UNC5B: variants seen among roughly 807,000 people sequenced by gnomAD.
The protein encoded by UNC5B is unc-5 netrin receptor B.
A neutral mutation model predicts 103.7 loss-of-function variants in UNC5B; 56 were observed. The ratio of observed to expected loss-of-function variants is 0.54; its 90% CI spans 0.44 to 0.67. UNC5B has a LOEUF of 0.67. Ranked by LOEUF, UNC5B falls within the 30% of genes least tolerant of loss-of-function variation. The probability of loss-of-function intolerance (pLI) is 0.00; values close to 1 mark genes in which losing one functional copy is unlikely to be tolerated. For synonymous variants in UNC5B, 577 were observed against 542.0 expected (o/e 1.06, Z -0.90); for missense variants, 1,194 against 1,284.5 (o/e 0.93, Z 1.08).
At chr10:71,265,127 G>C (rs925121247) in intron 1 of UNC5B, among the ~76,000 whole-genome samples, 1 of 152,180 alleles carries the variant, frequency 6.6e-6, no homozygotes. Flanking sequence ...AAAGAGTTGC[G>C]GGGAGGGTTC....
chr10:71,282,099 C>T (rs1844945083), intron 2 of UNC5B, among the ~76,000 whole-genome samples: 1 of 152,242 alleles, frequency 6.6e-6, no homozygotes, highest in Admixed American at 6.5e-5. Context: ...CCACCAGGCA[C>T]ACAGGCCCTG....
chr10:71,247,298 T>A (rs1844059755), intron 1 of UNC5B, among the ~76,000 whole-genome samples: 1 of 152,172 alleles, frequency 6.6e-6, no homozygotes, highest in African/African-American at 2.4e-5. Flanking sequence ...AGAGTGAACA[T>A]CCAGAACATC....
chr10:71,259,812 G>A (rs1201759060), intron 1 of UNC5B, among the ~76,000 whole-genome samples: 1 of 152,188 alleles, frequency 6.6e-6, no homozygotes, highest in East Asian at 1.9e-4. Context: ...AGGTCAGTGG[G>A]CGTGGGTCCC....
chr10:71,215,806 GGTGTGTGT>G (rs55848098), intron 1 of UNC5B, among the ~76,000 whole-genome samples: 14,214 of 149,534 alleles, frequency 0.095, 772 homozygotes, highest in Middle Eastern at 0.15. Flanking sequence ...GTCTCTGCTT[GGTGTGTGT>G]GTGTGTGTGT....
chr10:71,238,985 T>A (rs1201471031), intron 1 of UNC5B, among the ~76,000 whole-genome samples: 1 of 152,124 alleles, frequency 6.6e-6, no homozygotes. Context: ...GGCTTCTGCC[T>A]GCTCAGACTT....
chr10:71,219,373 C>T (rs1335250826), intron 1 of UNC5B, among the ~76,000 whole-genome samples: 1 of 152,174 alleles, frequency 6.6e-6, no homozygotes, highest in Non-Finnish European at 1.5e-5. Flanking sequence ...CAAGGAGAGC[C>T]AGTCCGAGTT....
At chr10:71,298,976 T>C (rs1445124966) in intron 16 of UNC5B, 136 bp from the exon 17 acceptor site, 2 of 1,097,898 alleles carry the variant, frequency 1.8e-6, no homozygotes, top group Admixed American at 2.1e-5. Context: ...TGCAGCACAG[T>C]AGCTGCAATT....
chr10:71,298,495 T>C (rs1257536157), intron 16 of UNC5B, among the ~76,000 whole-genome samples: 1 of 152,162 alleles, frequency 6.6e-6, no homozygotes, highest in African/African-American at 2.4e-5. Context: ...CACTTTGGTG[T>C]CAAAACTCCT....
At chr10:71,268,720 G>C (rs1844577399) in intron 1 of UNC5B, among the ~76,000 whole-genome samples, 1 of 152,234 alleles carries the variant, frequency 6.6e-6, no homozygotes, top group Non-Finnish European at 1.5e-5. Flanking sequence ...GGTGCTCTAA[G>C]AACAGCCTTA....
At chr10:71,218,944 A>C (rs1031607759) in intron 1 of UNC5B, among the ~76,000 whole-genome samples, 1 of 152,180 alleles carries the variant, frequency 6.6e-6, no homozygotes, top group African/African-American at 2.4e-5. Flanking sequence ...AGACACACCC[A>C]CACACATGCT....
chr10:71,296,810 CAGATATTCCAGCTG>C lies in UNC5B; in HGVS notation c.2490+69_2490+82del, dbSNP rs1845438121. On this transcript the variant is annotated intron_variant, in intron 15 of 16. Coordinates refer to ENST00000335350, the MANE Select transcript of UNC5B (RefSeq NM_170744.5). ...TGGCGGAGGTGAGGGAAGGGTGGGG[CAGATATTCCAGCTG>C]CACACCACGCTGGCGGAGGTGAGGG... 18 of 1,475,760 alleles carry C rather than the reference CAGATATTCCAGCTG, an allele frequency of 1.2e-5. No individual in the cohort carries two copies. The East Asian group carries it at 1.2e-4, about 10-fold the overall frequency. The allele number at this position is 1,475,760 out of a possible 1,614,324, so 91.4% of individuals were successfully genotyped here. A position where few individuals can be genotyped will look rare whatever the true frequency, so the allele number is the denominator to read the frequency against.
At chr10:71,239,309 G>GGTGAC (rs1843837461) in intron 1 of UNC5B, among the ~76,000 whole-genome samples, 1 of 152,162 alleles carries the variant, frequency 6.6e-6, no homozygotes, top group South Asian at 2.1e-4. Flanking sequence ...CATTAACAGA[G>GGTGAC]GTGACGCCCC....
In UNC5B at chr10:71,302,798, C is replaced by T. The variant is rs935414901; in HGVS notation, c.*3521C>T. 1.3e-5 allele frequency: 2 copies of T among 152,206 alleles called. No homozygotes were observed. The highest frequency in any genetic ancestry group is 2.9e-5 in the Non-Finnish European group (2 of 68,036). The allele number at this position is 152,206 out of a possible 1,614,324, so 9.4% of individuals were successfully genotyped here. A position where few individuals can be genotyped will look rare whatever the true frequency, so the allele number is the denominator to read the frequency against. ...CTGTAAACTGCAACCTATAAATAAC[C>T]TTTAGCATTCCTATTGTAACAAAAT... On this transcript the variant is annotated 3_prime_UTR_variant, in exon 17 of 17. Transcript: ENST00000335350.
chr10:71,214,889 G>C lies in UNC5B; in HGVS notation c.79+1825G>C, dbSNP rs1564701714. ...TTTGGGCACGAATGGTGCCCAGTCA[G>C]AAATGGCCTCTAATACCCGGCTTTG... is the stretch of plus-strand genomic sequence containing the variant. On this transcript the variant is annotated intron_variant, in intron 1 of 16. Coordinates refer to ENST00000335350, the MANE Select transcript of UNC5B (RefSeq NM_170744.5). Among the ~76,000 whole-genome samples the C allele has an allele frequency of 5.3e-5, 8 of 152,334 alleles. No individual in the cohort carries two copies. In the South Asian group the frequency reaches 1.7e-3, roughly 32 times the overall value.
At chr10:71,292,920 G>C (rs1373009722) in intron 11 of UNC5B, among the ~76,000 whole-genome samples, 1 of 152,206 alleles carries the variant, frequency 6.6e-6, no homozygotes, top group Non-Finnish European at 1.5e-5. Context: ...AAAATGTTTA[G>C]TCTAATTTGC....
chr10:71,273,333 A>G (rs897560181), intron 1 of UNC5B, among the ~76,000 whole-genome samples: 1 of 152,180 alleles, frequency 6.6e-6, no homozygotes, highest in Non-Finnish European at 1.5e-5. Flanking sequence ...ACAACCTCCC[A>G]AGGTCTCACA....
At chr10:71,261,453 C>T (rs1231853329) in intron 1 of UNC5B, among the ~76,000 whole-genome samples, 1 of 152,198 alleles carries the variant, frequency 6.6e-6, no homozygotes, top group African/African-American at 2.4e-5. Flanking sequence ...GCTGACAAAG[C>T]CCAGGCTGGC....
At chr10:71,230,828 C>G (rs1465560070) in intron 1 of UNC5B, among the ~76,000 whole-genome samples, 3 of 152,248 alleles carry the variant, frequency 2.0e-5, no homozygotes, top group African/African-American at 7.2e-5. Context: ...GGGGGTTCCC[C>G]ACCTTCCCAC....
At chr10:71,255,945 G>A (rs1263193197) in intron 1 of UNC5B, among the ~76,000 whole-genome samples, 1 of 152,246 alleles carries the variant, frequency 6.6e-6, no homozygotes, top group Non-Finnish European at 1.5e-5. Flanking sequence ...CGGTGGGGAG[G>A]AAATCGACTA....
Sources: gnomAD v4.1 joint callset for allele counts (sites outside exome capture counted in the v4.1 genomes callset) on GRCh38, gnomAD v4.1.1 for gene constraint, MANE v1.5 for transcripts, NCBI Gene and HGNC (gene_info 2026-07-23, HGNC 2026-07-21) for gene names.